Variants in INPP5F observed in about 807,000 individuals in gnomAD.
The protein encoded by INPP5F is phosphatidylinositide 4-phosphatase SAC2.
Under a neutral mutation model 137.2 loss-of-function variants are expected in INPP5F, and 97 were observed. The ratio of observed to expected loss-of-function variants is 0.71; its 90% confidence interval spans 0.60 to 0.84. INPP5F has a LOEUF of 0.84. INPP5F is among the 40% of genes least tolerant of loss of function. The pLI is 0.00. For synonymous variants in INPP5F, 504 were observed against 476.9 expected (o/e 1.06, Z -0.74); for missense variants, 1,271 against 1,371.9 (o/e 0.93, Z 1.16).
intron 2 of INPP5F, among the ~76,000 whole-genome samples, chr10:119,771,842 G>GGA (rs1229811760): frequency 3.5e-4 from 23 of 65,940 alleles, no homozygotes; most frequent in Non-Finnish European, 4.8e-4. Context: ...CATAAAGTAT[G>GGA]GAGATATATA....
rs1564819727 is a variant in INPP5F, at chr10:119,771,868, AT to A, written c.179-9766del. On this transcript the variant is annotated intron_variant, in intron 2 of 19. Coordinates refer to ENST00000650623, the MANE Select transcript of INPP5F (RefSeq NM_014937.4). ...GAGATATATATATATATATATATAT[AT>A]ATATATATATATATTTTTTTTTTTT... 6.5e-3 allele frequency among the ~76,000 whole-genome samples: 93 copies of A among 14,310 alleles called. 4 individuals carry two copies. The highest frequency in any genetic ancestry group is 0.017 in the Admixed American group (20 of 1,152). 9.4% of individuals were successfully genotyped at this position (14,310 alleles called of 152,430 possible).
chr10:119,800,904 C>G (rs1850563966), intron 9 of INPP5F, among the ~76,000 whole-genome samples: 1 of 137,422 alleles, frequency 7.3e-6, no homozygotes, highest in Non-Finnish European at 1.5e-5. Flanking sequence ...GAGCCAAGAT[C>G]ATACCACTGT....
intron 2 of INPP5F, among the ~76,000 whole-genome samples, chr10:119,755,773 C>T (rs1252573603): frequency 6.6e-6 from 1 of 152,182 alleles, no homozygotes; most frequent in Non-Finnish European, 1.5e-5. Flanking sequence ...ATTTAAGCCT[C>T]AGTTGCCATC....
chr10:119,791,713 C>A, intron 4 of INPP5F, 68 bp downstream of exon 4: 1 of 1,431,896 alleles, frequency 7.0e-7, no homozygotes, highest in Non-Finnish European at 9.6e-7. Flanking sequence ...GATAATTCTC[C>A]ACTCAGAAAA....
At position 119,827,032 on chromosome 10, in the gene INPP5F, C is replaced by T. The variant is rs1191720345; in HGVS notation, c.2651C>T (p.Pro884Leu). 2 of 1,613,746 alleles carry T rather than the reference C, an allele frequency of 1.2e-6. No homozygotes were observed. The highest frequency in any genetic ancestry group is 2.7e-5 in the African/African-American group (2 of 74,814). The change falls in exon 20 of 20, where the codon CCA becomes CTA. Residue 884 changes from proline (P) to leucine (L), a missense_variant. Coordinates refer to ENST00000650623, the MANE Select transcript of INPP5F (RefSeq NM_014937.4). ...QLANSLESVG[P>L]IDYVLPSCGI... ...GCTAACTCATTAGAGAGTGTAGGGC[C>T]AATAGATTACGTTCTTCCTAGTTGT...
chr10:119,799,973 A>G (rs554727908), intron 9 of INPP5F, among the ~76,000 whole-genome samples: 1 of 152,188 alleles, frequency 6.6e-6, no homozygotes, highest in Non-Finnish European at 1.5e-5. Context: ...TTTTTAAAAA[A>G]CACTCTAATG....
chr10:119,790,470 T>C (rs934773715), intron 3 of INPP5F, among the ~76,000 whole-genome samples: 5 of 152,192 alleles, frequency 3.3e-5, no homozygotes, highest in Non-Finnish European at 7.3e-5. Context: ...TTGAAAAGGC[T>C]TGAAATCATC....
chr10:119,733,046 T>C (rs1047987347), intron 1 of INPP5F, among the ~76,000 whole-genome samples: 2 of 152,228 alleles, frequency 1.3e-5, no homozygotes, highest in African/African-American at 4.8e-5. Flanking sequence ...CAAAAATGTT[T>C]TGTGAACCTT....
At chr10:119,762,444 C>T (rs1003303346) in intron 2 of INPP5F, among the ~76,000 whole-genome samples, 3 of 152,074 alleles carry the variant, frequency 2.0e-5, no homozygotes, top group Non-Finnish European at 4.4e-5. Context: ...GCCCTAATAA[C>T]CTCATCATCT....
At chr10:119,807,866 A>G in intron 12 of INPP5F, 66 bp from the exon 13 acceptor site, 1 of 1,444,522 alleles carries the variant, frequency 6.9e-7, no homozygotes. Flanking sequence ...CTTTTTCTGC[A>G]GTACACATTT....
At chr10:119,760,917 A>G (rs1019739731) in intron 2 of INPP5F, among the ~76,000 whole-genome samples, 1 of 152,228 alleles carries the variant, frequency 6.6e-6, no homozygotes, top group Non-Finnish European at 1.5e-5. Context: ...TGAAGCTTTC[A>G]ATAAACATAT....
At chr10:119,771,882 A>AT (rs544724525) in intron 2 of INPP5F, among the ~76,000 whole-genome samples, 3 of 24,164 alleles carry the variant, frequency 1.2e-4, no homozygotes, top group African/African-American at 5.8e-4. Context: ...ATATATATAT[A>AT]TTTTTTTTTT....
intron 9 of INPP5F, 64 bp from the exon 10 acceptor site, chr10:119,804,107 TAA>T (rs1425374135): frequency 1.2e-5 from 14 of 1,189,212 alleles, no homozygotes; most frequent in Non-Finnish European, 2.4e-6. Context: ...AACATCTAAT[TAA>T]ATTTTAAACC....
intron 3 of INPP5F, among the ~76,000 whole-genome samples, chr10:119,785,230 T>A (rs905033997): frequency 3.3e-5 from 5 of 151,384 alleles, no homozygotes; most frequent in Non-Finnish European, 5.9e-5. Flanking sequence ...TACCTAGCAA[T>A]GGAATTGCTG....
intron 2 of INPP5F, among the ~76,000 whole-genome samples, chr10:119,776,507 A>G (rs1282574646): frequency 6.6e-6 from 1 of 152,190 alleles, no homozygotes; most frequent in Non-Finnish European, 1.5e-5. Context: ...TTTTGGTACT[A>G]TACCTTTAGA....
intron 2 of INPP5F, among the ~76,000 whole-genome samples, chr10:119,777,313 G>C (rs1480208401): frequency 6.6e-6 from 1 of 152,208 alleles, no homozygotes; most frequent in East Asian, 1.9e-4. Context: ...TTCGAGACCA[G>C]CCTGGCCAAT....
chr10:119,782,872 A>G (rs939794700), intron 3 of INPP5F, among the ~76,000 whole-genome samples: 12 of 152,142 alleles, frequency 7.9e-5, no homozygotes, highest in Non-Finnish European at 1.0e-4. Context: ...ATGTTTTTCC[A>G]TGTAGAGTTC....
rs150855547 is a variant in INPP5F, at chr10:119,761,558, G to A, written c.178+10402G>A. Among the ~76,000 whole-genome samples, 671 of 150,506 alleles carry A rather than the reference G, an allele frequency of 4.5e-3. 36 individuals are homozygous for A. The South Asian group carries it at 0.11, about 25-fold the overall frequency. ...ATGGTGCTCTACTTCCATTAGGGGG[G>A]ACAAAACATTTCTCTTAATGTAGTT... On this transcript the variant is annotated intron_variant, in intron 2 of 19. Transcript: ENST00000650623.
chr10:119,730,100 C>T (rs1418691143), intron 1 of INPP5F, among the ~76,000 whole-genome samples: 2 of 151,722 alleles, frequency 1.3e-5, no homozygotes, highest in African/African-American at 4.8e-5. Context: ...ACTACTACTT[C>T]TCTTTTCTTT....
Sources: gnomAD v4.1 joint callset for allele counts (sites outside exome capture counted in the v4.1 genomes callset) on GRCh38, gnomAD v4.1.1 for gene constraint, MANE v1.5 for transcripts, NCBI Gene and HGNC (gene_info 2026-07-23, HGNC 2026-07-21) for gene names.